SH3BP1: variants seen among roughly 807,000 people sequenced by gnomAD.
SH3BP1 encodes SH3 domain-binding protein 1.
In SH3BP1, 46 loss-of-function variants were observed where a neutral mutation model predicts 69.8. The observed-to-expected ratio is 0.66, with a 90% CI of 0.52 to 0.84. The LOEUF is 0.84. Among genes scored for constraint, SH3BP1 ranks in the 40% least tolerant of loss-of-function variants. The pLI, the probability that SH3BP1 is intolerant of heterozygous loss-of-function variation, is 0.00. For missense variants in SH3BP1, 868 were observed against 930.9 expected (o/e 0.93, Z 0.88); for synonymous variants, 403 against 378.0 (o/e 1.07, Z -0.77).
intron 14 of SH3BP1, chr22:37,648,694 C>T (rs1363292277): frequency 1.5e-5 from 4 of 266,974 alleles, no homozygotes; most frequent in Non-Finnish European, 2.1e-5. Context: ...GCCCAGAGAT[C>T]GGGTTCTTTT....
intron 4 of SH3BP1, 127 bp downstream of exon 4, chr22:37,642,742 G>A: frequency 6.2e-7 from 1 of 1,602,812 alleles, no homozygotes; most frequent in East Asian, 2.2e-5. Flanking sequence ...TCCCAGGTCA[G>A]TGAGGGTGGC....
At chr22:37,645,935 G>T (rs975420135) in intron 10 of SH3BP1, among the ~76,000 whole-genome samples, 2 of 151,114 alleles carry the variant, frequency 1.3e-5, no homozygotes, top group Non-Finnish European at 2.9e-5. Flanking sequence ...ATCCTGCTGT[G>T]CTGGGGCCTC....
At chr22:37,652,274 C>T (rs1932895497) in intron 16 of SH3BP1, among the ~76,000 whole-genome samples, 1 of 149,790 alleles carries the variant, frequency 6.7e-6, no homozygotes, top group African/African-American at 2.5e-5. Flanking sequence ...TGCGCCACTG[C>T]ACTCCAACCT....
chr22:37,642,787 A>T (rs1299989703), intron 4 of SH3BP1, 108 bp from the exon 5 acceptor site: 1 of 1,594,290 alleles, frequency 6.3e-7, no homozygotes, highest in Non-Finnish European at 8.5e-7. Context: ...AGCAGAGATG[A>T]AGGATATCTA....
intron 13 of SH3BP1, among the ~76,000 whole-genome samples, chr22:37,647,832 C>CGAT (rs1448297966): frequency 1.7e-4 from 26 of 152,130 alleles, no homozygotes; most frequent in Non-Finnish European, 1.5e-5. Flanking sequence ...CCTGCCATCA[C>CGAT]ACTCGGCTAA....
At position 37,641,126 on chromosome 22, in the gene SH3BP1, C is replaced by A; in HGVS notation, c.60C>A (p.Arg20=). 6.6e-7 allele frequency: 1 copy of A among 1,517,944 alleles called. No individual in the cohort carries two copies. The highest frequency in any genetic ancestry group is 8.9e-7 in the Non-Finnish European group (1 of 1,121,924). The allele number at this position is 1,517,944 out of a possible 1,614,324, so 94.0% of individuals were successfully genotyped here. A position where few individuals can be genotyped will look rare whatever the true frequency, so the allele number is the denominator to read the frequency against. Residue 20 remains arginine (R), a splice_region_variant and synonymous_variant, in exon 2 of 18, where the codon CGC becomes CGA. Coordinates refer to ENST00000649765, the MANE Select transcript of SH3BP1 (RefSeq NM_018957.6). ...CCCCCCCCCCCACCACTCCCCGCAG[C>A]ACCCCGGAGACCGCTGAGTTCCTGG... The part of the protein sequence containing the change: ...RQLAQTGSLG[R]TPETAEFLGE...
intron 14 of SH3BP1, among the ~76,000 whole-genome samples, chr22:37,649,263 A>T (rs1023318847): frequency 6.6e-6 from 1 of 151,022 alleles, no homozygotes; most frequent in Non-Finnish European, 1.5e-5. Flanking sequence ...CAAGGTGGGA[A>T]GATCACTTGA....
chr22:37,655,905 G>A lies in SH3BP1; in HGVS notation c.*221G>A, dbSNP rs779908892. On this transcript the variant is annotated 3_prime_UTR_variant, in exon 18 of 18. Transcript: ENST00000649765. ...CCCTGGGCTTGGGGACCCCCCCACC[G>A]GACTCTCCACTCTCCGGCAGGTCCT... 3.7e-5 allele frequency: 58 copies of A among 1,564,576 alleles called. No individual in the cohort carries two copies. The highest frequency in any genetic ancestry group is 2.2e-4 in the Middle Eastern group (1 of 4,578).
At chr22:37,647,836 C>T (rs1352313314) in intron 13 of SH3BP1, among the ~76,000 whole-genome samples, 1 of 152,014 alleles carries the variant, frequency 6.6e-6, no homozygotes, top group South Asian at 2.1e-4. Flanking sequence ...CCATCACACT[C>T]GGCTAATTTT....
chr22:37,647,232 G>T (rs754880476), intron 11 of SH3BP1, 35 bp from the exon 12 acceptor site: 21 of 1,587,388 alleles, frequency 1.3e-5, no homozygotes, highest in Non-Finnish European at 1.7e-5. Flanking sequence ...AGCGGGTGGG[G>T]GCTGCCTCTG....
intron 11 of SH3BP1, 40 bp downstream of exon 11, chr22:37,646,969 G>T: frequency 7.3e-7 from 1 of 1,378,826 alleles, no homozygotes; most frequent in South Asian, 1.4e-5. Flanking sequence ...GGTTGGGGGG[G>T]AGGGGGTGCA....
intron 16 of SH3BP1, among the ~76,000 whole-genome samples, chr22:37,652,127 G>A (rs1358171518): frequency 1.3e-5 from 2 of 151,578 alleles, no homozygotes; most frequent in Non-Finnish European, 2.9e-5. Context: ...TGGCTAACAC[G>A]GTGAAACCCC....
Position 37,649,558 on chromosome 22 carries a change from T to G in SH3BP1, c.1317-594T>G, listed in dbSNP as rs375362298. 7.9e-5 allele frequency among the ~76,000 whole-genome samples: 12 copies of G among 151,908 alleles called. No individual in the cohort carries two copies. The East Asian group carries it at 1.5e-3, about 20-fold the overall frequency. On this transcript the variant is annotated intron_variant, in intron 14 of 17. Transcript: ENST00000649765. Reference sequence around the variant, plus strand: ...CAGCACTTTGGGAGGCCGAGGTGGGTGGATCACCTGAGGTCGGGAGTTCGA... The same window carrying G: ...CAGCACTTTGGGAGGCCGAGGTGGGGGGATCACCTGAGGTCGGGAGTTCGA...
intron 13 of SH3BP1, 91 bp downstream of exon 13, chr22:37,647,612 G>T: frequency 7.7e-6 from 7 of 914,506 alleles, no homozygotes; most frequent in Non-Finnish European, 3.2e-6. Context: ...GCCTGGCCTT[G>T]CCACTGTATC....
chr22:37,650,242 C>T lies in SH3BP1; in HGVS notation c.1407C>T (p.Phe469=). The T allele has an allele frequency of 1.2e-6, 2 of 1,607,792 alleles. No homozygotes were observed. The highest frequency in any genetic ancestry group is 1.7e-6 in the Non-Finnish European group (2 of 1,176,872). Residue 469 remains phenylalanine (F), a synonymous_variant, in exon 15 of 18, where the codon TTC becomes TTT. Coordinates refer to ENST00000649765, the MANE Select transcript of SH3BP1 (RefSeq NM_018957.6). ...EALIQSADTL[F]PGDINFNVSG... The stretch of plus-strand genomic sequence containing the variant: ...TGATCCAGAGCGCAGACACCCTCTT[C>T]CCTGGAGGTGAAGCTCCTGCCTGCA...
intron 1 of SH3BP1, among the ~76,000 whole-genome samples, chr22:37,640,062 C>T (rs993305732): frequency 5.3e-5 from 8 of 152,066 alleles, no homozygotes; most frequent in Non-Finnish European, 8.8e-5. Flanking sequence ...GGAAGGGATG[C>T]CCCCCCTTAC....
At chr22:37,654,388 T>G (rs1932956894) in intron 17 of SH3BP1, among the ~76,000 whole-genome samples, 1 of 150,764 alleles carries the variant, frequency 6.6e-6, no homozygotes, top group Non-Finnish European at 1.5e-5. Context: ...CTGGCCAACA[T>G]GGTGAAACCT....
Position 37,647,561 on chromosome 22 carries a change from G to C in SH3BP1, c.1199+40G>C, listed in dbSNP as rs201166584. 4.1e-4 allele frequency: 622 copies of C among 1,529,484 alleles called. 5 individuals carry two copies. The East Asian group carries it at 0.011, about 27-fold the overall frequency. 94.7% of individuals were successfully genotyped at this position (1,529,484 alleles called of 1,614,324 possible). A position where few individuals can be genotyped will look rare whatever the true frequency, so the allele number is the denominator to read the frequency against. On this transcript the variant is annotated intron_variant, in intron 13 of 17. Transcript: ENST00000649765. ...GCCTCCCCAGCCTGCCGCAGAGCCA[G>C]AGCCCAGCTGAGGTCACGGACCCTG...
Position 37,653,854 on chromosome 22 carries a change from G to A in SH3BP1, c.1674G>A (p.Val558=). The A allele has an allele frequency of 6.2e-7, 1 of 1,613,576 alleles. No individual in the cohort carries two copies. Among genetic ancestry groups the A allele is most frequent in the Non-Finnish European group, 8.5e-7 (1 of 1,179,690 alleles). ...GTCCCCCGGAGACAGCTGCCCCAGT[G>A]GAGGACATGGCTCGGAGGAGTGAGT... ...TRSPPETAAP[V]EDMARRTKRP... The change falls in exon 17 of 18, where the codon GTG becomes GTA. Residue 558 remains valine (V), a synonymous_variant. Coordinates refer to ENST00000649765, the MANE Select transcript of SH3BP1 (RefSeq NM_018957.6).
Sources: gnomAD v4.1 joint callset for allele counts (sites outside exome capture counted in the v4.1 genomes callset) on GRCh38, gnomAD v4.1.1 for gene constraint, MANE v1.5 for transcripts, NCBI Gene and HGNC (gene_info 2026-07-23, HGNC 2026-07-21) for gene names.